The following CHD2 variants were observed in gnomAD, a reference collection of about 807,000 sequenced individuals.
CHD2 encodes the protein chromodomain helicase DNA binding protein 2.
A neutral mutation model predicts 243.9 loss-of-function variants in CHD2; 28 were observed. The ratio of observed to expected loss-of-function variants is 0.11; its 90% confidence interval spans 0.09 to 0.16. CHD2 has a LOEUF of 0.16. Ranked by LOEUF, CHD2 falls within the 10% of genes least tolerant of loss-of-function variation. The probability of loss-of-function intolerance (pLI) is 1.00; values close to 1 mark genes in which losing one functional copy is unlikely to be tolerated. For synonymous variants in CHD2, 775 were observed against 779.0 expected (o/e 0.99, Z 0.09); for missense variants, 1,386 against 2,209.8 (o/e 0.63, Z 7.47).
At chr15:92,978,506 G>A (rs1386327799) in intron 21 of CHD2, 123 bp downstream of exon 21, 2 of 988,500 alleles carry the variant, frequency 2.0e-6, no homozygotes, top group Non-Finnish European at 3.0e-6. Context: ...CTGAAGCATT[G>A]ATTTCTGTTT....
At position 92,901,691 on chromosome 15, in the gene CHD2, G is replaced by A. The variant is rs568380031; in HGVS notation, c.62+392G>A. On this transcript the variant is annotated intron_variant, in intron 2 of 38. Transcript: ENST00000394196. ...ATACAAGGCAAATTTTTTCTTTGAA[G>A]AATCCAGGATATCTAAACTTGTAAC... The A allele has an allele frequency of 1.7e-5, 6 of 345,310 alleles. No homozygotes were observed. The East Asian group carries it at 2.3e-4, about 13-fold the overall frequency. The allele number at this position is 345,310 out of a possible 1,614,324, so 21.4% of individuals were successfully genotyped here. A position where few individuals can be genotyped will look rare whatever the true frequency, so the allele number is the denominator to read the frequency against.
At chr15:92,925,947 T>G (rs978860960) in intron 3 of CHD2, among the ~76,000 whole-genome samples, 1 of 152,194 alleles carries the variant, frequency 6.6e-6, no homozygotes. Context: ...TTGTTGATAA[T>G]GTCCTTTCTT....
At chr15:92,954,831 A>G (rs2053598600) in intron 14 of CHD2, among the ~76,000 whole-genome samples, 1 of 152,178 alleles carries the variant, frequency 6.6e-6, no homozygotes, top group Non-Finnish European at 1.5e-5. Context: ...GCCAAACTGC[A>G]AGAGCGTTGT....
Position 92,942,912 on chromosome 15 carries a change from A to G in CHD2, c.896A>G (p.Glu299Gly). The G allele has an allele frequency of 1.2e-6, 2 of 1,614,116 alleles. No individual in the cohort carries two copies. The change falls in exon 9 of 39, where the codon GAA (glutamate) becomes GGA (glycine). Residue 299 changes from glutamate (E) to glycine (G), a missense_variant. Glu to Gly is a moderately conservative substitution (Grantham distance 98, BLOSUM62 -2). Transcript: ENST00000394196. ...NGDPSGDFDTEKDEGEIQYLI... is the reference protein window; with the variant it reads ...NGDPSGDFDTGKDEGEIQYLI... ...GACCCTAGTGGTGACTTTGACACTG[A>G]AAAGGATGAAGGTGAAATCCAGTAC...
At chr15:92,909,968 GTA>G (rs1491518589) in intron 2 of CHD2, among the ~76,000 whole-genome samples, 5 of 148,722 alleles carry the variant, frequency 3.4e-5, no homozygotes, top group African/African-American at 7.4e-5. Flanking sequence ...GTGTGTGTGT[GTA>G]TGTATATATG....
intron 2 of CHD2, chr15:92,904,673 G>T: frequency 7.5e-7 from 1 of 1,326,084 alleles, no homozygotes; most frequent in Non-Finnish European, 9.6e-7. Context: ...GAGAAAAAGT[G>T]CAGGCACTAT....
chr15:92,990,333 A>T (rs975935705), intron 26 of CHD2, among the ~76,000 whole-genome samples: 7 of 152,198 alleles, frequency 4.6e-5, no homozygotes, highest in African/African-American at 1.7e-4. Flanking sequence ...AGTGCAAGTT[A>T]AAAAATGCCT....
At chr15:92,968,861 C>T (rs905090165) in intron 17 of CHD2, among the ~76,000 whole-genome samples, 1 of 152,148 alleles carries the variant, frequency 6.6e-6, no homozygotes, top group Non-Finnish European at 1.5e-5. Context: ...AGTGGGAACT[C>T]ATTCAAGTTG....
chr15:92,939,562 T>C lies in CHD2; in HGVS notation c.552-16T>C, dbSNP rs2053324028. On this transcript the variant is annotated splice_polypyrimidine_tract_variant and intron_variant, in intron 6 of 38. Transcript: ENST00000394196. ...TAAAGTGAAGACTTAGCCTTTTGTT[T>C]CTCTTCTCATTTTAGAACAGTGCCC... The C allele has an allele frequency of 6.2e-7, 1 of 1,606,870 alleles. No homozygotes were observed. The highest frequency in any genetic ancestry group is 1.7e-5 in the Admixed American group (1 of 57,918).
At chr15:92,940,835 T>C (rs2053354088) in intron 7 of CHD2, among the ~76,000 whole-genome samples, 2 of 136,138 alleles carry the variant, frequency 1.5e-5, no homozygotes, top group Admixed American at 1.6e-4. Context: ...ATTATAAATA[T>C]ATAAAAATAT....
intron 11 of CHD2, 69 bp from the exon 12 acceptor site, chr15:92,945,969 A>G (rs2053461449): frequency 5.3e-6 from 8 of 1,496,960 alleles, no homozygotes; most frequent in Non-Finnish European, 6.4e-6. Context: ...GATTATGCAT[A>G]AAACAGAATG....
chr15:92,964,926 T>C (rs1009680558), intron 16 of CHD2, among the ~76,000 whole-genome samples: 1 of 152,208 alleles, frequency 6.6e-6, no homozygotes, highest in Non-Finnish European at 1.5e-5. Flanking sequence ...TAGGCCAATC[T>C]CTTAATTTTT....
chr15:92,908,865 T>G (rs180719267), intron 2 of CHD2, among the ~76,000 whole-genome samples: 222 of 152,252 alleles, frequency 1.5e-3, no homozygotes, highest in Non-Finnish European at 2.9e-3. Context: ...ACTCCTGTAA[T>G]CCCAGCAGTT....
In CHD2 at chr15:92,944,376, T is replaced by A. The variant is rs376737297; in HGVS notation, c.1053-39T>A. 10 of 1,217,938 alleles carry A rather than the reference T, an allele frequency of 8.2e-6. No individual in the cohort carries two copies. The African/African-American group carries it at 1.5e-4, about 18-fold the overall frequency. The allele number at this position is 1,217,938 out of a possible 1,614,324, so 75.4% of individuals were successfully genotyped here. A position where few individuals can be genotyped will look rare whatever the true frequency, so the allele number is the denominator to read the frequency against. On this transcript the variant is annotated intron_variant, in intron 9 of 38. Transcript: ENST00000394196. The stretch of plus-strand genomic sequence containing the variant: ...TTTGATGTATGTGGATCCCCAGACT[T>A]TAGTTTATGTGTACTTTTTCTGTCT...
intron 16 of CHD2, among the ~76,000 whole-genome samples, chr15:92,966,056 TTTTTC>T: frequency 6.6e-6 from 1 of 151,518 alleles, no homozygotes; most frequent in South Asian, 2.1e-4. Context: ...CTTTCTTTCT[TTTTTC>T]TTTTCTTTTT....
In CHD2 at chr15:92,939,726, G is replaced by A; in HGVS notation, c.692+8G>A. The A allele has an allele frequency of 1.2e-6, 2 of 1,612,426 alleles. No homozygotes were observed. The highest frequency in any genetic ancestry group is 1.7e-6 in the Non-Finnish European group (2 of 1,179,706). ...AGCGGCTAAAAACGTTAGGTAAGTT[G>A]TACCCCAGAAGTGTTTCACTGGTGT... is the stretch of plus-strand genomic sequence containing the variant. On this transcript the variant is annotated splice_region_variant and intron_variant, in intron 7 of 38. Coordinates refer to ENST00000394196, the MANE Select transcript of CHD2 (RefSeq NM_001271.4).
chr15:92,949,167 C>A, intron 13 of CHD2, 91 bp downstream of exon 13: 1 of 1,562,848 alleles, frequency 6.4e-7, no homozygotes, highest in Non-Finnish European at 8.6e-7. Context: ...TTTTTCACAC[C>A]CTTATTGTAT....
In CHD2 at chr15:93,000,526, G is replaced by A; in HGVS notation, c.4023G>A (p.Lys1341=). 1.2e-6 allele frequency: 2 copies of A among 1,610,244 alleles called. No individual in the cohort carries two copies. Among genetic ancestry groups the A allele is most frequent in the African/African-American group, 2.7e-5 (2 of 74,752 alleles). ...VTGGEEAKLK[K]RKPRVKKENK... ...TCCTTTTCCAGGCCAAATTAAAGAA[G>A]CGGAAGCCTCGGGTAAAGAAGGAAA... The change falls in exon 32 of 39, where the codon AAG becomes AAA. Residue 1341 remains lysine, a synonymous_variant. Transcript: ENST00000394196.
intron 31 of CHD2, among the ~76,000 whole-genome samples, chr15:92,999,617 C>G (rs957575972): frequency 6.6e-6 from 1 of 151,810 alleles, no homozygotes; most frequent in Non-Finnish European, 1.5e-5. Context: ...ATAAGCAAAG[C>G]AAATTTGAGG....
Sources: allele counts gnomAD v4.1 joint callset (sites outside exome capture counted in the v4.1 genomes callset), GRCh38; gene constraint gnomAD v4.1.1; transcripts MANE v1.5; gene names NCBI Gene and HGNC (gene_info 2026-07-23, HGNC 2026-07-21).